The following IL16 variants were observed in gnomAD, a reference collection of about 807,000 sequenced individuals.
IL16 encodes the protein interleukin 16.
Under a neutral mutation model 110.1 loss-of-function variants are expected in IL16, and 67 were observed. That is an observed-to-expected ratio of 0.61 (90% CI 0.50 to 0.75). IL16 has a LOEUF of 0.75. Among genes scored for constraint, IL16 ranks in the 30% least tolerant of loss-of-function variants. The probability of loss-of-function intolerance (pLI) is 0.00; values close to 1 mark genes in which losing one functional copy is unlikely to be tolerated. For missense variants in IL16, 1,545 were observed against 1,655.0 expected (o/e 0.93, Z 1.15); for synonymous variants, 689 against 662.9 (o/e 1.04, Z -0.61).
intron 1 of IL16, among the ~76,000 whole-genome samples, chr15:81,189,231 C>G (rs1295039041): frequency 6.7e-6 from 1 of 150,048 alleles, no homozygotes; most frequent in Non-Finnish European, 1.5e-5. Context: ...TCAAGCGATT[C>G]TTTTGCCTCA....
At position 81,294,792 on chromosome 15, in the gene IL16, G is replaced by GCA. The variant is rs546656294; in HGVS notation, c.1902+1757_1902+1758dup. 3.3e-3 allele frequency among the ~76,000 whole-genome samples: 497 copies of GCA among 152,252 alleles called. 2 individuals are homozygous for GCA. Among genetic ancestry groups the GCA allele is most frequent in the African/African-American group, 0.011 (477 of 41,546 alleles). On this transcript the variant is annotated intron_variant, in intron 12 of 18. Transcript: ENST00000683961. ...CGGGGGTCACAGAGAAAGGATCATA[G>GCA]CACGCAATAGAAAACAGGAAGCAAT...
At chr15:81,274,389 C>T (rs1271234104) in intron 6 of IL16, among the ~76,000 whole-genome samples, 8 of 152,190 alleles carry the variant, frequency 5.3e-5, no homozygotes, top group Admixed American at 2.6e-4. Flanking sequence ...GACTCGAGCA[C>T]GCTCATCCAC....
intron 1 of IL16, among the ~76,000 whole-genome samples, chr15:81,206,276 T>A (rs2141973432): frequency 6.6e-6 from 1 of 152,312 alleles, no homozygotes; most frequent in African/African-American, 2.4e-5. Context: ...CAAGGCTATA[T>A]GGTATTGCCT....
At chr15:81,275,363 GGGGGAGGGGAGGGGA>G (rs1165574007) in intron 6 of IL16, among the ~76,000 whole-genome samples, 75 of 94,624 alleles carry the variant, frequency 7.9e-4, no homozygotes, top group African/African-American at 3.4e-3. Context: ...GGGAGGAGGG[GGGGGAGGGGAGGGGA>G]GGGGAGGGGA....
chr15:81,204,381 G>C (rs1289089179), intron 1 of IL16, among the ~76,000 whole-genome samples: 1 of 152,154 alleles, frequency 6.6e-6, no homozygotes, highest in Non-Finnish European at 1.5e-5. Flanking sequence ...TGGTGAGAGA[G>C]GGCTTCCCTG....
At position 81,209,610 on chromosome 15, in the gene IL16, G is replaced by C. The variant is rs374593356; in HGVS notation, c.-102+12458G>C. Among the ~76,000 whole-genome samples, 209 of 152,260 alleles carry C rather than the reference G, an allele frequency of 1.4e-3. 1 individual carries two copies. Among genetic ancestry groups the C allele is most frequent in the African/African-American group, 5.0e-3 (206 of 41,536 alleles). On this transcript the variant is annotated intron_variant, in intron 1 of 18. Transcript: ENST00000683961. ...GCAAGGGAGGGTTTCAGTTGTCTAA[G>C]CAAGTCCTGCAATCAAAGGTTCCAG...
In IL16 at chr15:81,307,677, C is replaced by T. The variant is rs567253571; in HGVS notation, c.3806-928C>T. 1.1e-4 allele frequency among the ~76,000 whole-genome samples: 17 copies of T among 152,294 alleles called. No homozygotes were observed. In the South Asian group the frequency reaches 3.5e-3, roughly 32 times the overall value. On this transcript the variant is annotated intron_variant, in intron 18 of 18. Transcript: ENST00000683961. ...GGACAAGTCACTTCACCACCATGGG[C>T]CCATTTGCTTAAATGTTTAGGATGA...
chr15:81,303,015 A>ATGTGTGTGTGTGTGTGTG lies in IL16; in HGVS notation c.3319-522_3319-505dup, dbSNP rs34522610. 2.2e-3 allele frequency among the ~76,000 whole-genome samples: 326 copies of ATGTGTGTGTGTGTGTGTG among 150,140 alleles called. 1 individual carries two copies. The highest frequency in any genetic ancestry group is 7.2e-3 in the African/African-American group (293 of 40,678). On this transcript the variant is annotated intron_variant, in intron 15 of 18. Transcript: ENST00000683961. This position sits in a 1 kb window ranked among gnomAD's most constrained non-coding sequence, Gnocchi z 4.1. ...GTCTAGGCTAGGAAGTACCGTAGTA[A>ATGTGTGTGTGTGTGTGTG]TGTGTGTGTGTGTGTGTGTGTGTGT... is the stretch of plus-strand genomic sequence containing the variant.
chr15:81,287,926 C>T (rs974693736), intron 10 of IL16, among the ~76,000 whole-genome samples: 1 of 152,216 alleles, frequency 6.6e-6, no homozygotes, highest in Admixed American at 6.5e-5. Context: ...ATTAATTTGT[C>T]ATTTCCTCCT....
At chr15:81,206,216 C>T (rs943336203) in intron 1 of IL16, among the ~76,000 whole-genome samples, 5 of 151,150 alleles carry the variant, frequency 3.3e-5, no homozygotes, top group African/African-American at 7.4e-5. Context: ...GTCGTACAAA[C>T]GTTACATAGG....
chr15:81,201,129 A>G (rs1595939965), intron 1 of IL16, among the ~76,000 whole-genome samples: 1 of 152,006 alleles, frequency 6.6e-6, no homozygotes, highest in Non-Finnish European at 1.5e-5. Flanking sequence ...TGTCAGAAGC[A>G]GAAAATAAAA....
Position 81,301,341 on chromosome 15 carries a change from A to C in IL16, c.3150-3A>C. On this transcript the variant is annotated splice_region_variant and splice_polypyrimidine_tract_variant and intron_variant, in intron 14 of 18. Coordinates refer to ENST00000683961, the MANE Select transcript of IL16 (RefSeq NM_172217.5). Reference sequence around the variant, plus strand: ...TACTGTGTGTTGTTTCTCCTTATGAAAGCCTTTCAGAGCTGAGAGAATATA... The same window carrying C: ...TACTGTGTGTTGTTTCTCCTTATGACAGCCTTTCAGAGCTGAGAGAATATA... 1 of 1,594,130 alleles carries C rather than the reference A, an allele frequency of 6.3e-7. No homozygotes were observed. Among genetic ancestry groups the C allele is most frequent in the East Asian group, 2.2e-5 (1 of 44,744 alleles).
rs576211000 is a variant in IL16, at chr15:81,289,933, G to C, written c.1333-520G>C. 5 of 454,764 alleles carry C rather than the reference G, an allele frequency of 1.1e-5. No homozygotes were observed. The East Asian group carries it at 3.5e-4, about 32-fold the overall frequency. The allele number at this position is 454,764 out of a possible 1,614,324, so 28.2% of individuals were successfully genotyped here. ...AAGAAATGGAGGCTCAGGAGGTTAAGTAACTTGTCTAGGTGTTCACACCTA... is the reference window on the plus strand; with the variant it reads ...AAGAAATGGAGGCTCAGGAGGTTAACTAACTTGTCTAGGTGTTCACACCTA... On this transcript the variant is annotated intron_variant, in intron 10 of 18. Coordinates refer to ENST00000683961, the MANE Select transcript of IL16 (RefSeq NM_172217.5).
At chr15:81,230,205 TAAAC>T (rs1284556617) in intron 2 of IL16, among the ~76,000 whole-genome samples, 1 of 152,128 alleles carries the variant, frequency 6.6e-6, no homozygotes, top group African/African-American at 2.4e-5. Context: ...CCTAAGTTAA[TAAAC>T]AAAAGCAAAT....
chr15:81,203,335 A>G (rs1895892151), intron 1 of IL16, among the ~76,000 whole-genome samples: 1 of 152,108 alleles, frequency 6.6e-6, no homozygotes. Context: ...ATTAGATCCC[A>G]TTGGTCAATT....
At chr15:81,240,788 G>T (rs1897314564) in intron 2 of IL16, among the ~76,000 whole-genome samples, 1 of 151,902 alleles carries the variant, frequency 6.6e-6, no homozygotes, top group African/African-American at 2.4e-5. Context: ...ATGAGTAGAA[G>T]TTCCTAACTT....
chr15:81,281,677 A>G (rs1376182010), intron 8 of IL16, among the ~76,000 whole-genome samples: 1 of 152,250 alleles, frequency 6.6e-6, no homozygotes, highest in African/African-American at 2.4e-5. Flanking sequence ...CTGGGCTTCC[A>G]TAGCCCTCCC....
intron 2 of IL16, among the ~76,000 whole-genome samples, chr15:81,236,052 G>A (rs1432998823): frequency 6.6e-6 from 1 of 152,206 alleles, no homozygotes; most frequent in Non-Finnish European, 1.5e-5. Context: ...CCTCCATAGA[G>A]TGGAAAATCT....
chr15:81,285,952 C>A (rs1157225607), intron 10 of IL16, 122 bp downstream of exon 10: 3 of 1,037,352 alleles, frequency 2.9e-6, no homozygotes, highest in Non-Finnish European at 4.3e-6. Context: ...TCCCAAGAAT[C>A]CCTTCCAAGT....
Sources: gnomAD v4.1 joint callset for allele counts (sites outside exome capture counted in the v4.1 genomes callset) on GRCh38, gnomAD v4.1.1 for gene constraint, Gnocchi (gnomAD v3.1) non-coding constraint, MANE v1.5 for transcripts, NCBI Gene and HGNC (gene_info 2026-07-23, HGNC 2026-07-21) for gene names.